Variants in MRTFB observed in about 807,000 individuals in gnomAD.
MRTFB encodes the protein myocardin-related transcription factor B.
MRTFB carries 29 observed loss-of-function variants against 104.2 expected under a neutral mutation model. The observed-to-expected ratio is 0.28, with a 90% CI of 0.21 to 0.38. The LOEUF (loss-of-function observed/expected upper bound fraction) is 0.38. Among genes scored for constraint, MRTFB ranks in the 10% least tolerant of loss-of-function variants. MRTFB has a pLI of 1.00. For synonymous variants in MRTFB, 535 were observed against 519.5 expected (o/e 1.03, Z -0.41); for missense variants, 1,270 against 1,341.6 (o/e 0.95, Z 0.83).
chr16:14,066,381 C>T (rs774719947), upstream of MRTFB, among the ~76,000 whole-genome samples: 11 of 151,330 alleles, frequency 7.3e-5, no homozygotes, highest in Non-Finnish European at 1.0e-4. Context: ...TCAAGCGATT[C>T]TCCTGCCTCA....
At chr16:14,259,970 A>T (rs1041315804) in intron 16 of MRTFB, among the ~76,000 whole-genome samples, 8 of 152,228 alleles carry the variant, frequency 5.3e-5, no homozygotes, top group Non-Finnish European at 1.2e-4. Flanking sequence ...TTTAAGAGGT[A>T]TTGTTAATTT....
At chr16:14,125,241 A>G (rs760954261) in intron 2 of MRTFB, among the ~76,000 whole-genome samples, 10 of 152,232 alleles carry the variant, frequency 6.6e-5, no homozygotes, top group African/African-American at 9.6e-5. Context: ...GCTGGCTGCA[A>G]CTGCCTCTGC....
At chr16:14,201,882 A>G (rs1306332095) in intron 3 of MRTFB, among the ~76,000 whole-genome samples, 1 of 152,198 alleles carries the variant, frequency 6.6e-6, no homozygotes, top group African/African-American at 2.4e-5. Flanking sequence ...TTCTTAAAGC[A>G]ATCTATGTAA....
At chr16:14,019,717 G>A in the MRTFB span, among the ~76,000 whole-genome samples, 9 of 152,114 alleles carry the variant, frequency 5.9e-5, no homozygotes, top group South Asian at 2.1e-4. Flanking sequence ...TCTACATTAA[G>A]CCAGCTAGCA....
chr16:14,220,170 G>C (rs1010105286), intron 8 of MRTFB, among the ~76,000 whole-genome samples: 2 of 152,200 alleles, frequency 1.3e-5, no homozygotes, highest in African/African-American at 4.8e-5. Context: ...GTTTGAGCAG[G>C]CAGAAAGCGA....
At chr16:14,061,356 G>A in the MRTFB span, among the ~76,000 whole-genome samples, 3 of 152,136 alleles carry the variant, frequency 2.0e-5, no homozygotes, top group African/African-American at 7.2e-5. Flanking sequence ...TCACCCAAGT[G>A]GAAAAGGAAG....
At chr16:14,130,162 T>C (rs1196124145) in intron 2 of MRTFB, among the ~76,000 whole-genome samples, 2 of 152,174 alleles carry the variant, frequency 1.3e-5, no homozygotes, top group Non-Finnish European at 2.9e-5. Flanking sequence ...CCTTTGCCCA[T>C]TTTTAAATTG....
the MRTFB span, among the ~76,000 whole-genome samples, chr16:14,003,927 T>G: frequency 6.6e-6 from 1 of 152,122 alleles, no homozygotes; most frequent in Non-Finnish European, 1.5e-5. Flanking sequence ...TTCCAGATTT[T>G]TAAAAATCTC....
rs567647517 is a variant in MRTFB, at chr16:14,166,945, A to G, written c.154+26185A>G. ...TTTGGGTTGATTCCAAGTCTTTGCT[A>G]TTGTGAATAGTGCTGCAGTTAACAT... On this transcript the variant is annotated intron_variant, in intron 3 of 16. Coordinates refer to ENST00000571589, the MANE Select transcript of MRTFB (RefSeq NM_001308142.2). 5.3e-5 allele frequency among the ~76,000 whole-genome samples: 8 copies of G among 152,230 alleles called. No homozygotes were observed. The South Asian group carries it at 8.3e-4, about 16-fold the overall frequency.
intron 3 of MRTFB, chr16:14,195,486 G>T (rs1003033895): frequency 1.0e-6 from 1 of 981,418 alleles, no homozygotes; most frequent in Non-Finnish European, 1.2e-6. Flanking sequence ...GTGTGTGTTT[G>T]TATCAGCCCC....
intron 3 of MRTFB, chr16:14,186,903 A>C: frequency 1.9e-6 from 3 of 1,598,182 alleles, no homozygotes; most frequent in Non-Finnish European, 2.5e-6. Context: ...CTGTCTTCAG[A>C]AGCCTCTCAC....
At chr16:14,238,619 A>G (rs1463757460) in intron 9 of MRTFB, among the ~76,000 whole-genome samples, 2 of 152,226 alleles carry the variant, frequency 1.3e-5, no homozygotes, top group Non-Finnish European at 2.9e-5. Context: ...CGAGGAACTA[A>G]GAGACCAGAA....
chr16:14,119,660 T>C (rs1241886367), intron 2 of MRTFB, among the ~76,000 whole-genome samples: 3 of 152,194 alleles, frequency 2.0e-5, no homozygotes, highest in African/African-American at 7.2e-5. Context: ...GTTGGAATTT[T>C]TTGCTTATAG....
the MRTFB span, among the ~76,000 whole-genome samples, chr16:14,044,529 A>G: frequency 6.6e-6 from 1 of 152,198 alleles, no homozygotes; most frequent in African/African-American, 2.4e-5. Flanking sequence ...TGTCTGCTAT[A>G]ATCTGGAGAA....
chr16:14,036,642 TA>T, the MRTFB span, among the ~76,000 whole-genome samples: 1 of 151,526 alleles, frequency 6.6e-6, no homozygotes, highest in Non-Finnish European at 1.5e-5. Context: ...CCATCATATA[TA>T]TGTTGAAATA....
chr16:14,147,447 G>A (rs2038374223), intron 3 of MRTFB, among the ~76,000 whole-genome samples: 1 of 152,152 alleles, frequency 6.6e-6, no homozygotes, highest in African/African-American at 2.4e-5. Context: ...CTATTAGTAT[G>A]TTTTGATTCA....
chr16:14,146,838 C>G (rs1431299793), intron 3 of MRTFB, among the ~76,000 whole-genome samples: 1 of 152,120 alleles, frequency 6.6e-6, no homozygotes, highest in South Asian at 2.1e-4. Flanking sequence ...CATAGGTGAG[C>G]TGGTATAATG....
At chr16:14,050,922 C>T in the MRTFB span, among the ~76,000 whole-genome samples, 1 of 152,156 alleles carries the variant, frequency 6.6e-6, no homozygotes, top group Non-Finnish European at 1.5e-5. Flanking sequence ...GAATTCCTGG[C>T]ACCTTACACT....
At chr16:14,061,940 T>C in the MRTFB span, among the ~76,000 whole-genome samples, 3 of 152,100 alleles carry the variant, frequency 2.0e-5, no homozygotes, top group African/African-American at 7.2e-5. Context: ...CCAGTGTAAA[T>C]ATTTGGGCTT....
Sources: gnomAD v4.1 joint callset for allele counts (sites outside exome capture counted in the v4.1 genomes callset) on GRCh38, gnomAD v4.1.1 for gene constraint, MANE v1.5 for transcripts, NCBI Gene and HGNC (gene_info 2026-07-23, HGNC 2026-07-21) for gene names.